HMCN1: variants seen among roughly 807,000 people sequenced by gnomAD.
HMCN1 encodes hemicentin 1.
HMCN1 carries 321 observed loss-of-function variants against 625.9 expected under a neutral mutation model. The observed-to-expected ratio is 0.51, with a 90% CI of 0.47 to 0.56. HMCN1 has a LOEUF of 0.56. HMCN1 is among the 20% of genes least tolerant of loss of function. The pLI, the probability that HMCN1 is intolerant of heterozygous loss-of-function variation, is 0.00. For missense variants in HMCN1, 6,588 were observed against 6,887.3 expected (o/e 0.96, Z 1.54); for synonymous variants, 2,425 against 2,417.6 (o/e 1.00, Z -0.09).
Position 185,923,506 on chromosome 1 carries a change from T to C in HMCN1, c.1138T>C (p.Tyr380His). Residue 380 changes from tyrosine (Y) to histidine (H), a missense_variant, in exon 8 of 107, where the codon TAC becomes CAC. Tyr to His is a moderately conservative substitution (Grantham distance 83). Coordinates refer to ENST00000271588, the MANE Select transcript of HMCN1 (RefSeq NM_031935.3). ...TCTTAAGACTATTCCTGTTAAATAT[T>C]ACCCACATCGAAAACCTTATGGCAT... ...SSLKTIPVKY[Y>H]PHRKPYGIWN... 6.2e-7 allele frequency: 1 copy of C among 1,612,382 alleles called. No homozygotes were observed. The highest frequency in any genetic ancestry group is 8.5e-7 in the Non-Finnish European group (1 of 1,178,812).
intron 1 of HMCN1, among the ~76,000 whole-genome samples, chr1:185,781,875 A>T (rs1015441200): frequency 2.0e-5 from 3 of 152,200 alleles, no homozygotes; most frequent in Non-Finnish European, 4.4e-5. Flanking sequence ...TGCTTGGTGC[A>T]GAGCCGAATT....
chr1:186,184,664 A>ATTAC (rs10643574), intron 105 of HMCN1, among the ~76,000 whole-genome samples: 51,673 of 151,848 alleles, frequency 0.34, 9,076 homozygotes, highest in Middle Eastern at 0.47. Flanking sequence ...AAGAATCTAA[A>ATTAC]TTACTTATAT....
At chr1:186,136,570 C>A in intron 86 of HMCN1, 98 bp from the exon 87 acceptor site, 1 of 1,098,140 alleles carries the variant, frequency 9.1e-7, no homozygotes, top group Non-Finnish European at 1.4e-6. Flanking sequence ...ATAAACAAAT[C>A]AATCACTTTT....
chr1:186,131,836 ATTAG>A (rs1390413180), intron 85 of HMCN1, among the ~76,000 whole-genome samples: 1 of 152,150 alleles, frequency 6.6e-6, no homozygotes, highest in Non-Finnish European at 1.5e-5. Context: ...TTATAAGTAA[ATTAG>A]TTTTTCACTT....
rs114170176 is a variant in HMCN1 at position 185,734,836 on chromosome 1, C to T, written c.57C>T (p.Ser19=). ...TCCTGTTTGCTCTTCTTTATTCTTC[C>T]CTAGCTCAAGATGCGAGCCCCCAGT... The part of the protein sequence containing the change: ...TVFLFALLYS[S]LAQDASPQSE... The change falls in exon 1 of 107, where the codon TCC becomes TCT. Residue 19 remains serine, a synonymous_variant. Coordinates refer to ENST00000271588, the MANE Select transcript of HMCN1 (RefSeq NM_031935.3). 3.8e-3 allele frequency: 6,126 copies of T among 1,613,930 alleles called. 128 individuals are homozygous for T. The African/African-American group carries it at 0.052, about 14-fold the overall frequency.
Position 186,115,417 on chromosome 1 carries a change from A to G in HMCN1, c.11561+3A>G. 6.2e-7 allele frequency: 1 copy of G among 1,612,018 alleles called. No homozygotes were observed. The highest frequency in any genetic ancestry group is 8.5e-7 in the Non-Finnish European group (1 of 1,178,822). ...GATCAAAATCAGAACTCATACAGGT[A>G]AGGATAATTTAAAACTCCTACCAAC... On this transcript the variant is annotated splice_donor_region_variant and intron_variant, in intron 75 of 106. Coordinates refer to ENST00000271588, the MANE Select transcript of HMCN1 (RefSeq NM_031935.3).
chr1:185,761,852 T>G (rs562419542), intron 1 of HMCN1, among the ~76,000 whole-genome samples: 1 of 152,326 alleles, frequency 6.6e-6, no homozygotes, highest in East Asian at 1.9e-4. Flanking sequence ...TTTTAAGATT[T>G]TATTAATAGT....
At chr1:186,062,734 C>A in intron 48 of HMCN1, 134 bp downstream of exon 48, 1 of 693,184 alleles carries the variant, frequency 1.4e-6, no homozygotes. Context: ...ATATTGAGTA[C>A]TGGTGAAGTC....
chr1:185,968,040 A>G (rs1042867691), intron 14 of HMCN1, among the ~76,000 whole-genome samples: 2 of 152,220 alleles, frequency 1.3e-5, no homozygotes, highest in African/African-American at 2.4e-5. Flanking sequence ...AAGTATATGT[A>G]TGGTAAAATA....
At chr1:186,057,450 A>G (rs1558183320) in intron 46 of HMCN1, 49 bp downstream of exon 46, 1 of 1,262,802 alleles carries the variant, frequency 7.9e-7, no homozygotes, top group Non-Finnish European at 1.2e-6. Context: ...TCATACGGCT[A>G]CAATTTCTCC....
At chr1:186,063,892 G>C (rs918152015) in intron 48 of HMCN1, among the ~76,000 whole-genome samples, 1 of 152,106 alleles carries the variant, frequency 6.6e-6, no homozygotes, top group African/African-American at 2.4e-5. Context: ...ATATTTTCAA[G>C]GCTGTCTTTT....
chr1:186,023,081 G>A lies in HMCN1; in HGVS notation c.5677G>A (p.Ala1893Thr), dbSNP rs1470083441. ...LQIAKTLLED[A>T]GRYTCVATNA... ...AATTGCCAAAACCCTGTTGGAAGAT[G>A]CTGGCAGATACACATGTGTGGCTAC... is the stretch of plus-strand genomic sequence containing the variant. Residue 1893 changes from alanine to threonine, a missense_variant, in exon 36 of 107, where the codon GCT becomes ACT. By Grantham distance (58) the Ala-to-Thr change is moderately conservative. Transcript: ENST00000271588. The A allele has an allele frequency of 6.8e-6, 11 of 1,613,350 alleles. No homozygotes were observed. The highest frequency in any genetic ancestry group is 8.5e-6 in the Non-Finnish European group (10 of 1,179,452).
At chr1:186,143,090 T>G (rs1357379928) in intron 89 of HMCN1, among the ~76,000 whole-genome samples, 4 of 152,240 alleles carry the variant, frequency 2.6e-5, no homozygotes, top group Non-Finnish European at 4.4e-5. Flanking sequence ...CAAATTCTTG[T>G]TGGCTAAAAT....
intron 1 of HMCN1, among the ~76,000 whole-genome samples, chr1:185,823,081 A>G (rs1406235471): frequency 6.6e-6 from 1 of 152,044 alleles, no homozygotes; most frequent in African/African-American, 2.4e-5. Flanking sequence ...CTTTTTTCAG[A>G]CATTATATCA....
intron 11 of HMCN1, among the ~76,000 whole-genome samples, chr1:185,948,286 T>C (rs530955674): frequency 3.9e-5 from 6 of 152,286 alleles, no homozygotes; most frequent in Middle Eastern, 3.4e-3. Flanking sequence ...ATTTCATGCG[T>C]GTCCATGTGA....
At chr1:186,174,465 T>C in intron 102 of HMCN1, 49 bp from the exon 103 acceptor site, 1 of 1,607,314 alleles carries the variant, frequency 6.2e-7, no homozygotes, top group Non-Finnish European at 8.5e-7. Flanking sequence ...TACAATGACT[T>C]TGGGTTTGAA....
intron 80 of HMCN1, among the ~76,000 whole-genome samples, chr1:186,120,960 G>A (rs1393601269): frequency 2.0e-5 from 3 of 152,204 alleles, no homozygotes; most frequent in Non-Finnish European, 4.4e-5. Flanking sequence ...AGACAGAGAA[G>A]AATAATGGGA....
At chr1:186,089,290 CAG>C (rs1169798108) in intron 63 of HMCN1, among the ~76,000 whole-genome samples, 1 of 151,926 alleles carries the variant, frequency 6.6e-6, no homozygotes, top group Non-Finnish European at 1.5e-5. Context: ...TTTTGATTTT[CAG>C]TAAACCTCTG....
chr1:185,868,997 T>C (rs888607578), intron 4 of HMCN1, among the ~76,000 whole-genome samples: 3 of 152,120 alleles, frequency 2.0e-5, no homozygotes, highest in African/African-American at 7.2e-5. Context: ...ATGCCAACAA[T>C]AGAGCTGAGG....
Sources: gnomAD v4.1 joint callset for allele counts (sites outside exome capture counted in the v4.1 genomes callset) on GRCh38, gnomAD v4.1.1 for gene constraint, MANE v1.5 for transcripts, NCBI Gene and HGNC (gene_info 2026-07-23, HGNC 2026-07-21) for gene names.